NCOA5: variants seen among roughly 807,000 people sequenced by gnomAD.
The protein encoded by NCOA5 is nuclear receptor coactivator 5.
A neutral mutation model predicts 59.0 loss-of-function variants in NCOA5; 12 were observed. That is an observed-to-expected ratio of 0.20 (90% CI 0.13 to 0.33). The LOEUF (loss-of-function observed/expected upper bound fraction) is 0.33, where lower values mean the gene tolerates loss of function less well. Among genes scored for constraint, NCOA5 ranks in the 10% least tolerant of loss-of-function variants. NCOA5 has a pLI of 1.00. For synonymous variants in NCOA5, 270 were observed against 275.5 expected (o/e 0.98, Z 0.20); for missense variants, 655 against 766.6 (o/e 0.85, Z 1.72).
At chr20:46,070,613 C>T (rs2084873050) in intron 2 of NCOA5, 77 bp from the exon 3 acceptor site, 2 of 1,352,834 alleles carry the variant, frequency 1.5e-6, no homozygotes, top group Non-Finnish European at 2.1e-6. Context: ...TATGAGAAAA[C>T]CCCCACCCTC....
intron 4 of NCOA5, 121 bp from the exon 5 acceptor site, chr20:46,067,302 A>G (rs2084835015): frequency 8.6e-7 from 1 of 1,159,550 alleles, no homozygotes; most frequent in Non-Finnish European, 1.2e-6. Flanking sequence ...TCCTAAAAAC[A>G]GCCAGTATTA....
chr20:46,078,193 G>A (rs1037424431), intron 2 of NCOA5, among the ~76,000 whole-genome samples: 1 of 152,206 alleles, frequency 6.6e-6, no homozygotes, highest in Non-Finnish European at 1.5e-5. Context: ...CTTGCCCTTA[G>A]GGTCTGCTTA....
chr20:46,088,488 C>A (rs1357769050), intron 1 of NCOA5, among the ~76,000 whole-genome samples: 1 of 152,200 alleles, frequency 6.6e-6, no homozygotes, highest in Non-Finnish European at 1.5e-5. Context: ...AGTTTTCACA[C>A]CCAGACTGAC....
At chr20:46,087,201 T>C (rs1223243674) in intron 1 of NCOA5, among the ~76,000 whole-genome samples, 4 of 152,244 alleles carry the variant, frequency 2.6e-5, no homozygotes, top group Non-Finnish European at 4.4e-5. Flanking sequence ...ACTTCAGGAA[T>C]AGACGTTTCA....
At position 46,079,384 on chromosome 20, in the gene NCOA5, T is replaced by C; in HGVS notation, c.38+3A>G. On this transcript the variant is annotated splice_donor_region_variant and intron_variant, in intron 2 of 7. Transcript: ENST00000290231. Reference sequence around the variant, plus strand: ...GGTAACTCACGGCTTCAGGGTACTTTACCTTCGTGTGGGGCTGGGTCTTGA... The same window carrying C: ...GGTAACTCACGGCTTCAGGGTACTTCACCTTCGTGTGGGGCTGGGTCTTGA... The C allele has an allele frequency of 6.2e-7, 1 of 1,614,100 alleles. No individual in the cohort carries two copies. The highest frequency in any genetic ancestry group is 1.3e-5 in the African/African-American group (1 of 75,042).
At chr20:46,064,733 A>AT (rs1428812041) in intron 6 of NCOA5, among the ~76,000 whole-genome samples, 1 of 152,210 alleles carries the variant, frequency 6.6e-6, no homozygotes, top group Non-Finnish European at 1.5e-5. Flanking sequence ...TATTTACACC[A>AT]TGGAGATCAG....
chr20:46,088,663 C>T (rs1333946097), intron 1 of NCOA5, among the ~76,000 whole-genome samples: 2 of 152,198 alleles, frequency 1.3e-5, no homozygotes, highest in Admixed American at 1.3e-4. Flanking sequence ...CTTGCAGTTC[C>T]CTGGGACTAA....
intron 3 of NCOA5, 51 bp downstream of exon 3, chr20:46,070,159 C>A: frequency 6.9e-7 from 1 of 1,440,988 alleles, no homozygotes; most frequent in South Asian, 1.2e-5. Flanking sequence ...TTTAGCAGAA[C>A]ATACATAAAA....
intron 2 of NCOA5, among the ~76,000 whole-genome samples, chr20:46,072,841 GTC>G (rs11468383): frequency 3.0e-4 from 45 of 152,190 alleles, no homozygotes; most frequent in African/African-American, 9.9e-4. Context: ...TTTACTTAAT[GTC>G]TGTCTGCCCT....
At position 46,063,616 on chromosome 20, in the gene NCOA5, C is replaced by T. The variant is rs1249180337; in HGVS notation, c.894G>A (p.Lys298=). 6.2e-7 allele frequency: 1 copy of T among 1,614,162 alleles called. No homozygotes were observed. Among genetic ancestry groups the T allele is most frequent in the South Asian group, 1.1e-5 (1 of 91,082 alleles). Residue 298 remains lysine, a synonymous_variant, in exon 7 of 8, where the codon AAG becomes AAA. Transcript: ENST00000290231. ...CACGTTCCTTCTCCCGGCACTCATT[C>T]TTGTAACGCTCATAATTTCTGGCCA... The part of the protein sequence containing the change: ...VLVARNYERY[K]NECREKEREE...
chr20:46,074,024 T>C lies in NCOA5; in HGVS notation c.39-3488A>G, dbSNP rs143681700. Among the ~76,000 whole-genome samples the C allele has an allele frequency of 1.0e-3, 152 of 152,234 alleles. 1 individual carries two copies. Among genetic ancestry groups the C allele is most frequent in the African/African-American group, 3.5e-3 (144 of 41,532 alleles). Reference sequence around the variant, plus strand: ...ACAAAAGGAAAAAGAACCAAAGGCATGGTGGAAGTAGGGACAAAGAAGATA... The same window carrying C: ...ACAAAAGGAAAAAGAACCAAAGGCACGGTGGAAGTAGGGACAAAGAAGATA... On this transcript the variant is annotated intron_variant, in intron 2 of 7. Transcript: ENST00000290231.
rs1945587488 is a variant in NCOA5 at position 46,072,748 on chromosome 20, A to T, written c.39-2212T>A. On this transcript the variant is annotated intron_variant, in intron 2 of 7. Transcript: ENST00000290231. ...CCCCTACTCCCTGATTGTTAGATTCAATCAAAGTTTACTTTCTGCCCCTAA... is the reference window on the plus strand; with the variant it reads ...CCCCTACTCCCTGATTGTTAGATTCTATCAAAGTTTACTTTCTGCCCCTAA... Among the ~76,000 whole-genome samples the T allele has an allele frequency of 3.9e-5, 6 of 152,196 alleles. No individual in the cohort carries two copies. In the South Asian group the frequency reaches 1.2e-3, roughly 31 times the overall value.
intron 2 of NCOA5, among the ~76,000 whole-genome samples, chr20:46,072,564 G>C (rs2084893311): frequency 6.6e-6 from 1 of 152,058 alleles, no homozygotes; most frequent in African/African-American, 2.4e-5. Flanking sequence ...TATAATCTTG[G>C]CTCCTGTCTT....
chr20:46,082,064 C>A (rs1236743335), intron 1 of NCOA5, among the ~76,000 whole-genome samples: 1 of 152,018 alleles, frequency 6.6e-6, no homozygotes. Context: ...CAGTTGGAAG[C>A]AGAGGGTTCA....
In NCOA5 at chr20:46,067,196, C is replaced by G; in HGVS notation, c.503-15G>C. 6.2e-7 allele frequency: 1 copy of G among 1,610,042 alleles called. No homozygotes were observed. Among genetic ancestry groups the G allele is most frequent in the South Asian group, 1.1e-5 (1 of 90,312 alleles). The stretch of plus-strand genomic sequence containing the variant: ...TTTCAAACGCTCTGCAAAACACCAC[C>G]AGGGTAAACTGAAATAAGGACTGGA... On this transcript the variant is annotated splice_polypyrimidine_tract_variant and intron_variant, in intron 4 of 7. Coordinates refer to ENST00000290231, the MANE Select transcript of NCOA5 (RefSeq NM_020967.3).
chr20:46,062,811 C>T lies in NCOA5; in HGVS notation c.1229G>A (p.Ser410Asn). ...TGTAGCAGAGGGGAGCACTTGGCCG[C>T]TCTGGAGCGGTTGGGAGCTTGGCTG... The part of the protein sequence containing the change: ...KTQPSSQPLQ[S>N]GQVLPSATPT... The change falls in exon 8 of 8, where the codon AGC (serine) becomes AAC (asparagine). Residue 410 changes from serine (S) to asparagine (N), a missense_variant. Ser to Asn is a conservative substitution (Grantham distance 46). Coordinates refer to ENST00000290231, the MANE Select transcript of NCOA5 (RefSeq NM_020967.3). The T allele has an allele frequency of 2.6e-6, 4 of 1,561,358 alleles. No homozygotes were observed.
intron 1 of NCOA5, among the ~76,000 whole-genome samples, chr20:46,080,088 C>A (rs1461328208): frequency 6.6e-6 from 1 of 152,110 alleles, no homozygotes; most frequent in Non-Finnish European, 1.5e-5. Flanking sequence ...AGAATAAGGA[C>A]TGGCGTTTGG....
intron 2 of NCOA5, among the ~76,000 whole-genome samples, chr20:46,078,569 A>G (rs138161572): frequency 8.2e-4 from 124 of 151,944 alleles, no homozygotes; most frequent in African/African-American, 2.8e-3. Context: ...GAGACACCAG[A>G]TATGAAATAT....
chr20:46,074,695 G>A (rs974448598), intron 2 of NCOA5, among the ~76,000 whole-genome samples: 1 of 152,220 alleles, frequency 6.6e-6, no homozygotes, highest in Non-Finnish European at 1.5e-5. Context: ...GGTAGAATGT[G>A]TCTCTTCCTG....
Sources: gnomAD v4.1 joint callset for allele counts (sites outside exome capture counted in the v4.1 genomes callset) on GRCh38, gnomAD v4.1.1 for gene constraint, MANE v1.5 for transcripts, NCBI Gene and HGNC (gene_info 2026-07-23, HGNC 2026-07-21) for gene names.